CDH19: variants seen among roughly 807,000 people sequenced by gnomAD.
The protein encoded by CDH19 is cadherin 19, also known as cadherin-19.
A neutral mutation model predicts 64.2 loss-of-function variants in CDH19; 67 were observed. The observed-to-expected ratio is 1.04, with a 90% CI of 0.86 to 1.28. CDH19 has a LOEUF of 1.28. Ranked by LOEUF, CDH19 falls within the 50% of genes most tolerant of loss-of-function variation. The probability of loss-of-function intolerance (pLI) is 0.00; values close to 1 mark genes in which losing one functional copy is unlikely to be tolerated. For synonymous variants in CDH19, 346 were observed against 319.3 expected, an observed-to-expected ratio of 1.08 and a Z score of -0.89; for missense variants, 1,030 against 929.0, an observed-to-expected ratio of 1.11 and a Z score of -1.41.
At chr18:66,505,390 G>T in intron 11 of CDH19, 88 bp from the exon 12 acceptor site, 2 of 1,024,040 alleles carry the variant, frequency 2.0e-6, no homozygotes, top group Non-Finnish European at 2.7e-6. Context: ...AGCTCAAGAT[G>T]AGTGCTTAAA....
rs765679603 is a variant in CDH19 at position 66,504,959 on chromosome 18, C to T, written c.2172G>A (p.Glu724=). 3.7e-6 allele frequency: 6 copies of T among 1,613,432 alleles called. No homozygotes were observed. The Admixed American group carries it at 1.0e-4, about 27-fold the overall frequency. ...GGGATCCAGCTAATGACCCTGTTCCCTCAAAAGCGTAGGTCTGGAGGGAAT... is the reference window on the plus strand; with the variant it reads ...GGGATCCAGCTAATGACCCTGTTCCTTCAAAAGCGTAGGTCTGGAGGGAAT... ...PFDSLQTYAF[E]GTGSLAGSLS... The change falls in exon 12 of 12, where the codon GAG becomes GAA. Residue 724 remains glutamate (E), a synonymous_variant. Coordinates refer to ENST00000262150, the MANE Select transcript of CDH19 (RefSeq NM_021153.4).
At chr18:66,539,045 CAA>C (rs1400052220) in intron 7 of CDH19, among the ~76,000 whole-genome samples, 1 of 152,148 alleles carries the variant, frequency 6.6e-6, no homozygotes, top group Non-Finnish European at 1.5e-5. Context: ...ACCCAAAACA[CAA>C]AGTTTCCTTT....
rs578003446 is a variant in CDH19, at chr18:66,534,897, T to A, written c.1336+89A>T. ...TCATTTAAATAATTCCAACAACATTTTAAAGTAGCCTTGTCCCCATGTATA... is the reference window on the plus strand; with the variant it reads ...TCATTTAAATAATTCCAACAACATTATAAAGTAGCCTTGTCCCCATGTATA... On this transcript the variant is annotated intron_variant, in intron 8 of 11. Coordinates refer to ENST00000262150, the MANE Select transcript of CDH19 (RefSeq NM_021153.4). The A allele has an allele frequency of 5.5e-4, 467 of 848,022 alleles. 9 individuals carry two copies. The South Asian group carries it at 0.016, about 30-fold the overall frequency. 52.5% of individuals were successfully genotyped at this position (848,022 alleles called of 1,614,324 possible). A position where few individuals can be genotyped will look rare whatever the true frequency, so the allele number is the denominator to read the frequency against.
intron 10 of CDH19, among the ~76,000 whole-genome samples, chr18:66,510,154 T>C (rs1985402212): frequency 6.6e-6 from 1 of 151,746 alleles, no homozygotes; most frequent in African/African-American, 2.4e-5. Context: ...ACAATAGCAG[T>C]AAAAGGAAAA....
intron 5 of CDH19, among the ~76,000 whole-genome samples, chr18:66,548,258 TATA>T (rs372916340): frequency 0.34 from 46,193 of 135,134 alleles, 7,782 homozygotes; most frequent in South Asian, 0.46. Flanking sequence ...TATATATATA[TATA>T]TTTTTTTAAA....
intron 3 of CDH19, among the ~76,000 whole-genome samples, chr18:66,559,924 G>A (rs1987659034): frequency 6.6e-6 from 1 of 151,762 alleles, no homozygotes; most frequent in Non-Finnish European, 1.5e-5. Context: ...AAATCCTAGT[G>A]GACTGTATAA....
chr18:66,584,788 C>G (rs758309522), intron 1 of CDH19, among the ~76,000 whole-genome samples: 6 of 152,050 alleles, frequency 3.9e-5, no homozygotes, highest in Non-Finnish European at 7.4e-5. Flanking sequence ...GCAGTCAAAC[C>G]TGTACAATAT....
At chr18:66,582,078 T>C (rs1374646657) in intron 1 of CDH19, among the ~76,000 whole-genome samples, 1 of 152,164 alleles carries the variant, frequency 6.6e-6, no homozygotes, top group Non-Finnish European at 1.5e-5. Flanking sequence ...TCTAACACTG[T>C]GACATCTATA....
intron 2 of CDH19, among the ~76,000 whole-genome samples, chr18:66,571,538 TTTTAC>T (rs1194635347): frequency 6.6e-6 from 1 of 151,644 alleles, no homozygotes; most frequent in African/African-American, 2.4e-5. Flanking sequence ...TAATTATTCC[TTTTAC>T]TTTAACTTTA....
In CDH19 at chr18:66,604,009, T is replaced by C. The variant is rs1238905450; in HGVS notation, c.-168A>G. The C allele has an allele frequency of 2.0e-5, 3 of 152,126 alleles. No individual in the cohort carries two copies. The highest frequency in any genetic ancestry group is 4.1e-4 in the South Asian group (2 of 4,832). 9.4% of individuals were successfully genotyped at this position (152,126 alleles called of 1,614,324 possible). ...GAAAACTGAACAGCAAACTTCGTGTTGGACACATAAGGAAGAGTAGGAAAA... is the reference window on the plus strand; with the variant it reads ...GAAAACTGAACAGCAAACTTCGTGTCGGACACATAAGGAAGAGTAGGAAAA... On this transcript the variant is annotated 5_prime_UTR_variant, in exon 1 of 12. Coordinates refer to ENST00000262150, the MANE Select transcript of CDH19 (RefSeq NM_021153.4).
chr18:66,521,407 A>G (rs970773748), intron 9 of CDH19, among the ~76,000 whole-genome samples: 4 of 152,294 alleles, frequency 2.6e-5, no homozygotes, highest in African/African-American at 9.6e-5. Context: ...TTTATAAAGA[A>G]CATTTCTTAT....
intron 3 of CDH19, among the ~76,000 whole-genome samples, chr18:66,558,779 A>C (rs1987614377): frequency 6.6e-6 from 1 of 152,078 alleles, no homozygotes; most frequent in Admixed American, 6.6e-5. Flanking sequence ...TCCTAGTTAA[A>C]TATAGGTTAA....
chr18:66,566,943 A>G (rs1053320110), intron 3 of CDH19, among the ~76,000 whole-genome samples: 3 of 151,670 alleles, frequency 2.0e-5, no homozygotes, highest in African/African-American at 4.8e-5. Context: ...GCACTCTGCT[A>G]TGGATTCTTT....
chr18:66,580,655 G>A (rs142575194), intron 1 of CDH19, among the ~76,000 whole-genome samples: 3 of 152,006 alleles, frequency 2.0e-5, no homozygotes, highest in East Asian at 1.9e-4. Flanking sequence ...TCTACCAAGT[G>A]CTATTTTTCC....
chr18:66,522,143 G>C (rs946056485), intron 9 of CDH19, among the ~76,000 whole-genome samples: 3 of 150,974 alleles, frequency 2.0e-5, no homozygotes, highest in Non-Finnish European at 3.0e-5. Context: ...AGAGACTGGG[G>C]TTCACCGTGT....
chr18:66,502,438 T>C lies in CDH19; in HGVS notation c.*2374A>G, dbSNP rs1984986018. On this transcript the variant is annotated 3_prime_UTR_variant, in exon 12 of 12. Coordinates refer to ENST00000262150, the MANE Select transcript of CDH19 (RefSeq NM_021153.4). ...TTTTAATGAGTTGTTTATCCAAATGTATTCATTGTTTATAAGGCTTTTATT... is the reference window on the plus strand; with the variant it reads ...TTTTAATGAGTTGTTTATCCAAATGCATTCATTGTTTATAAGGCTTTTATT... 1 of 152,034 alleles carries C rather than the reference T, an allele frequency of 6.6e-6. No individual in the cohort carries two copies. Among genetic ancestry groups the C allele is most frequent in the Admixed American group, 6.6e-5 (1 of 15,240 alleles). 9.4% of individuals were successfully genotyped at this position (152,034 alleles called of 1,614,324 possible).
intron 7 of CDH19, among the ~76,000 whole-genome samples, chr18:66,535,821 T>C (rs1397347661): frequency 1.4e-5 from 2 of 147,196 alleles, no homozygotes; most frequent in Non-Finnish European, 3.0e-5. Flanking sequence ...ATGATACATA[T>C]GTTTTATTAT....
At chr18:66,577,772 G>C (rs978161748) in intron 1 of CDH19, among the ~76,000 whole-genome samples, 3 of 151,876 alleles carry the variant, frequency 2.0e-5, no homozygotes, top group African/African-American at 7.2e-5. Context: ...AGTTCTATAG[G>C]TGAGATGTTT....
At chr18:66,562,102 T>C (rs1218573972) in intron 3 of CDH19, among the ~76,000 whole-genome samples, 2 of 151,984 alleles carry the variant, frequency 1.3e-5, no homozygotes, top group Non-Finnish European at 2.9e-5. Flanking sequence ...ACCAGTTTCG[T>C]GGAAGACAAT....
Sources: gnomAD v4.1 joint callset for allele counts (sites outside exome capture counted in the v4.1 genomes callset) on GRCh38, gnomAD v4.1.1 for gene constraint, MANE v1.5 for transcripts, NCBI Gene and HGNC (gene_info 2026-07-23, HGNC 2026-07-21) for gene names.